The following ABCA9 variants were observed in gnomAD, a reference collection of about 807,000 sequenced individuals.
ABCA9 encodes ATP-binding cassette sub-family A member 9.
ABCA9 carries 183 observed loss-of-function variants against 205.3 expected under a neutral mutation model. That is an observed-to-expected ratio of 0.89 (90% CI 0.79 to 1.01). The LOEUF (loss-of-function observed/expected upper bound fraction) is 1.01. ABCA9 is among the 50% of genes least tolerant of loss of function. The pLI is 0.00. For synonymous variants in ABCA9, 651 were observed against 683.3 expected (o/e 0.95, Z 0.74); for missense variants, 1,805 against 1,912.4 (o/e 0.94, Z 1.05).
chr17:69,000,723 G>A, intron 25 of ABCA9, among the ~76,000 whole-genome samples: 1 of 151,340 alleles, frequency 6.6e-6, no homozygotes, highest in African/African-American at 2.4e-5. Flanking sequence ...TGGGCAGTAT[G>A]GCCATTTTCA....
intron 8 of ABCA9, among the ~76,000 whole-genome samples, chr17:69,034,398 A>T (rs2071265699): frequency 6.6e-6 from 1 of 151,418 alleles, no homozygotes. Flanking sequence ...ATTTTTTTTT[A>T]TTTGTGGAGA....
rs565967725 is a variant in ABCA9 at position 68,976,077 on chromosome 17, C to T, written c.4776+58G>A. 112 of 1,601,066 alleles carry T rather than the reference C, an allele frequency of 7.0e-5. No individual in the cohort carries two copies. The Middle Eastern group carries it at 1.2e-3, about 17-fold the overall frequency. On this transcript the variant is annotated intron_variant, in intron 38 of 38. Coordinates refer to ENST00000340001, the MANE Select transcript of ABCA9 (RefSeq NM_080283.4). ...CCATACTGCCTCCTGCAGCTCCAGG[C>T]GAATGCATTATACATGTATATTCCA... is the stretch of plus-strand genomic sequence containing the variant.
chr17:69,010,754 G>A (rs979934721), intron 23 of ABCA9, among the ~76,000 whole-genome samples: 1 of 152,012 alleles, frequency 6.6e-6, no homozygotes, highest in Admixed American at 6.6e-5. Context: ...AGAAATGGAT[G>A]GGTTTGAAGT....
chr17:69,062,506 T>C (rs781513428), upstream of ABCA9, among the ~76,000 whole-genome samples: 7 of 151,338 alleles, frequency 4.6e-5, no homozygotes, highest in Non-Finnish European at 1.0e-4. Context: ...TATTTAATAT[T>C]TATTTATTTA....
At chr17:69,016,478 C>A in intron 21 of ABCA9, 88 bp from the exon 22 acceptor site, 1 of 1,226,394 alleles carries the variant, frequency 8.2e-7, no homozygotes, top group Non-Finnish European at 1.1e-6. Flanking sequence ...ATTCAAGTTA[C>A]TGATAATATA....
At chr17:68,995,796 T>C in intron 26 of ABCA9, 99 bp downstream of exon 26, 1 of 1,447,524 alleles carries the variant, frequency 6.9e-7, no homozygotes, top group Non-Finnish European at 9.4e-7. Context: ...CTTTTAAACT[T>C]TGCACAGCTG....
At chr17:68,980,336 G>A (rs1431011358) in intron 37 of ABCA9, among the ~76,000 whole-genome samples, 1 of 152,098 alleles carries the variant, frequency 6.6e-6, no homozygotes, top group African/African-American at 2.4e-5. Flanking sequence ...CACTGTTGGT[G>A]GGACTGTAAA....
chr17:68,985,164 A>G (rs1448746727), intron 32 of ABCA9, 36 bp from the exon 33 acceptor site: 2 of 1,606,380 alleles, frequency 1.2e-6, no homozygotes, highest in Non-Finnish European at 1.7e-6. Context: ...TAATCCCAAC[A>G]CTGGCGAATG....
At chr17:68,976,493 C>G (rs2068896467) in intron 37 of ABCA9, among the ~76,000 whole-genome samples, 1 of 152,154 alleles carries the variant, frequency 6.6e-6, no homozygotes, top group African/African-American at 2.4e-5. Flanking sequence ...ACCACGTACC[C>G]CTCTGTACCA....
At chr17:69,033,654 T>G in intron 9 of ABCA9, 72 bp downstream of exon 9, 4 of 1,271,766 alleles carry the variant, frequency 3.1e-6, no homozygotes, top group Non-Finnish European at 3.2e-6. Flanking sequence ...TTTTATTTAG[T>G]ACATTGTAGA....
chr17:69,027,517 G>A (rs915169014), intron 13 of ABCA9, 68 bp from the exon 14 acceptor site: 4 of 1,568,562 alleles, frequency 2.6e-6, no homozygotes, highest in South Asian at 1.2e-5. Context: ...TCATTTTTCT[G>A]TTCTTTACAA....
At position 68,979,602 on chromosome 17, in the gene ABCA9, C is replaced by G. The variant is rs2068982954; in HGVS notation, c.4720+2960G>C. 2.0e-5 allele frequency among the ~76,000 whole-genome samples: 3 copies of G among 151,062 alleles called. No homozygotes were observed. In the South Asian group the frequency reaches 6.2e-4, roughly 31 times the overall value. ...AAAACAGAGATATAGATCAATGGAA[C>G]AGAACAGAGCCCTCAGAAATAATGC... On this transcript the variant is annotated intron_variant, in intron 37 of 38. Coordinates refer to ENST00000340001, the MANE Select transcript of ABCA9 (RefSeq NM_080283.4).
At chr17:68,999,579 A>G (rs368998203) in intron 25 of ABCA9, among the ~76,000 whole-genome samples, 4 of 146,826 alleles carry the variant, frequency 2.7e-5, no homozygotes, top group Non-Finnish European at 4.5e-5. Context: ...TAATGCCGCA[A>G]TAAACATACG....
chr17:69,011,994 G>T lies in ABCA9; in HGVS notation c.3129C>A (p.Ser1043Arg), dbSNP rs1010542494. The part of the protein sequence containing the change: ...AASFTPYIAM[S>R]SIGDYKKKAH... ...TTCTTACTTTGTAGTCACCAATGCT[G>T]CTCATTGCAATGTATGGAGTGAAAG... The change falls in exon 23 of 39, where the codon AGC becomes AGA. Residue 1043 changes from serine to arginine, a missense_variant. Transcript: ENST00000340001. The T allele has an allele frequency of 6.2e-7, 1 of 1,611,710 alleles. No individual in the cohort carries two copies. The highest frequency in any genetic ancestry group is 1.1e-5 in the South Asian group (1 of 90,676).
intron 25 of ABCA9, among the ~76,000 whole-genome samples, chr17:69,006,180 C>G (rs888801016): frequency 2.6e-5 from 4 of 152,144 alleles, no homozygotes; most frequent in African/African-American, 9.7e-5. Context: ...CCCTGGAATT[C>G]TCATACTCTG....
At position 68,996,031 on chromosome 17, in the gene ABCA9, G is replaced by T; in HGVS notation, c.3436-17C>A. Reference sequence around the variant, plus strand: ...GATGACCACCTAAAACAAATGCACAGTATAGCGTCATTAAAGTGTACCAAT... The same window carrying T: ...GATGACCACCTAAAACAAATGCACATTATAGCGTCATTAAAGTGTACCAAT... On this transcript the variant is annotated splice_polypyrimidine_tract_variant and intron_variant, in intron 25 of 38. Transcript: ENST00000340001. The T allele has an allele frequency of 6.2e-7, 1 of 1,609,168 alleles. No homozygotes were observed. Among genetic ancestry groups the T allele is most frequent in the Non-Finnish European group, 8.5e-7 (1 of 1,177,840 alleles).
At chr17:69,053,339 A>G (rs191060209) in intron 1 of ABCA9, among the ~76,000 whole-genome samples, 1 of 152,322 alleles carries the variant, frequency 6.6e-6, no homozygotes, top group East Asian at 1.9e-4. Flanking sequence ...TGTCAGGAAC[A>G]GGGACCAAAT....
Position 68,986,274 on chromosome 17 carries a change from G to A in ABCA9, c.4098C>T (p.Tyr1366=). 2 of 1,613,400 alleles carry A rather than the reference G, an allele frequency of 1.2e-6. No individual in the cohort carries two copies. The highest frequency in any genetic ancestry group is 8.5e-7 in the Non-Finnish European group (1 of 1,179,616). Residue 1366 remains tyrosine (Y), a synonymous_variant, in exon 32 of 39, where the codon TAC becomes TAT. Transcript: ENST00000340001. ...GGGEPLGFLG[Y]CPQENALWPN... Reference sequence around the variant, plus strand: ...GCCACAGCGCATTCTCCTGAGGGCAGTACCCCAGGAAGCCCAGGGGTTCCC... The same window carrying A: ...GCCACAGCGCATTCTCCTGAGGGCAATACCCCAGGAAGCCCAGGGGTTCCC...
chr17:68,993,160 C>G (rs1184386430), intron 26 of ABCA9, 76 bp from the exon 27 acceptor site: 6 of 1,232,376 alleles, frequency 4.9e-6, no homozygotes, highest in Non-Finnish European at 5.9e-6. Context: ...TTAAGATAAA[C>G]TGATGCCTAT....
Sources: gnomAD v4.1 joint callset for allele counts (sites outside exome capture counted in the v4.1 genomes callset) on GRCh38, gnomAD v4.1.1 for gene constraint, MANE v1.5 for transcripts, NCBI Gene and HGNC (gene_info 2026-07-23, HGNC 2026-07-21) for gene names.